The following PADI3 variants were observed in gnomAD, a reference collection of about 807,000 sequenced individuals.
PADI3 encodes peptidyl arginine deiminase 3, also known as protein-arginine deiminase type-3.
In PADI3, 53 loss-of-function variants were observed where a neutral mutation model predicts 71.5. That is an observed-to-expected ratio of 0.74 (90% CI 0.59 to 0.93). The LOEUF is 0.93. Among genes scored for constraint, PADI3 ranks in the 40% least tolerant of loss-of-function variants. The pLI is 0.00. For synonymous variants in PADI3, 361 were observed against 347.5 expected, an observed-to-expected ratio of 1.04 and a Z score of -0.43; for missense variants, 821 against 868.0, an observed-to-expected ratio of 0.95 and a Z score of 0.68.
chr1:17,264,806 T>C lies in PADI3; in HGVS notation c.347-853T>C, dbSNP rs192405186. ...TGGGTGGATCACTTGAGCCCAGTAG[T>C]TCAAGACCAGCCTAGGCAACATGGT... On this transcript the variant is annotated intron_variant, in intron 3 of 15. Transcript: ENST00000375460. 4.9e-3 allele frequency among the ~76,000 whole-genome samples: 743 copies of C among 152,118 alleles called. 3 individuals are homozygous for C. Among genetic ancestry groups the C allele is most frequent in the Non-Finnish European group, 7.5e-3 (511 of 67,998 alleles).
chr1:17,251,485 T>C (rs2072965273), intron 1 of PADI3, among the ~76,000 whole-genome samples: 1 of 152,218 alleles, frequency 6.6e-6, no homozygotes, highest in Non-Finnish European at 1.5e-5. Flanking sequence ...ATATCAGCAA[T>C]GGCACTGAAT....
At chr1:17,262,073 T>G in intron 2 of PADI3, 60 bp from the exon 3 acceptor site, 1 of 1,472,038 alleles carries the variant, frequency 6.8e-7, no homozygotes, top group Non-Finnish European at 9.5e-7. Flanking sequence ...CCGAGAGCTA[T>G]CTTTTGGGGC....
chr1:17,262,910 T>TTTTGTTTG (rs71575819), intron 3 of PADI3, among the ~76,000 whole-genome samples: 66 of 152,012 alleles, frequency 4.3e-4, no homozygotes, highest in South Asian at 1.0e-3. Flanking sequence ...AACGTGGCTT[T>TTTTGTTTG]TTTGTTTGTT....
chr1:17,266,867 G>A (rs951158229), intron 5 of PADI3, 31 bp downstream of exon 5: 2 of 1,514,664 alleles, frequency 1.3e-6, no homozygotes, highest in African/African-American at 2.7e-5. Context: ...GTCCCTGGGT[G>A]TCCAGGGTCA....
intron 11 of PADI3, among the ~76,000 whole-genome samples, chr1:17,275,199 G>T (rs1029855594): frequency 9.9e-5 from 15 of 151,974 alleles, no homozygotes; most frequent in Admixed American, 6.6e-4. Flanking sequence ...ACTTTGGGAG[G>T]CCAAGGCAGG....
At chr1:17,258,456 G>T (rs949011263) in intron 1 of PADI3, among the ~76,000 whole-genome samples, 1 of 152,260 alleles carries the variant, frequency 6.6e-6, no homozygotes, top group African/African-American at 2.4e-5. Flanking sequence ...CCCAGGCTAG[G>T]TGGAATGAGG....
chr1:17,249,352 C>G, intron 1 of PADI3, 123 bp downstream of exon 1: 3 of 773,264 alleles, frequency 3.9e-6, no homozygotes, highest in Non-Finnish European at 6.9e-6. Context: ...GGAACAGCAG[C>G]CAATCAGGGA....
At position 17,262,278 on chromosome 1, in the gene PADI3, C is replaced by T. The variant is rs1035306789; in HGVS notation, c.346+73C>T. 1.7e-5 allele frequency: 19 copies of T among 1,135,662 alleles called. No individual in the cohort carries two copies. The Admixed American group carries it at 2.5e-4, about 15-fold the overall frequency. 70.3% of individuals were successfully genotyped at this position (1,135,662 alleles called of 1,614,324 possible). A position where few individuals can be genotyped will look rare whatever the true frequency, so the allele number is the denominator to read the frequency against. ...AATTCAAGCAGTACAAAAGAGTATA[C>T]GTTGAAAATTAAACCTCCTTCCCTC... On this transcript the variant is annotated intron_variant, in intron 3 of 15. Coordinates refer to ENST00000375460, the MANE Select transcript of PADI3 (RefSeq NM_016233.2).
intron 15 of PADI3, among the ~76,000 whole-genome samples, chr1:17,281,855 G>GC (rs1389887957): frequency 1.3e-5 from 2 of 152,202 alleles, no homozygotes; most frequent in Non-Finnish European, 2.9e-5. Flanking sequence ...AGGCACTGCT[G>GC]CCGCGCTAAC....
chr1:17,265,845 C>CA, intron 4 of PADI3, 125 bp downstream of exon 4: 1 of 780,284 alleles, frequency 1.3e-6, no homozygotes, highest in South Asian at 1.6e-5. Flanking sequence ...GACCAAGGGC[C>CA]AAAAACAGAA....
At chr1:17,268,021 G>C in intron 6 of PADI3, 59 bp downstream of exon 6, 1 of 1,599,546 alleles carries the variant, frequency 6.3e-7, no homozygotes, top group Non-Finnish European at 8.5e-7. Context: ...GCCTACCAGG[G>C]AACCTCCTGT....
rs765279488 is a variant in PADI3, at chr1:17,280,679, C to T, written c.1644C>T (p.Ile548=). The T allele has an allele frequency of 7.4e-6, 12 of 1,614,028 alleles. No individual in the cohort carries two copies. The highest frequency in any genetic ancestry group is 2.7e-5 in the African/African-American group (2 of 74,922). Residue 548 remains isoleucine (I), a synonymous_variant, in exon 15 of 16, where the codon ATC becomes ATT. Transcript: ENST00000375460. Reference sequence around the variant, plus strand: ...CCCTCCCCTGCCCCCAGAGCTGCATCGACTGGAACCGTGAGGTGCTGAAGC... The same window carrying T: ...CCCTCCCCTGCCCCCAGAGCTGCATTGACTGGAACCGTGAGGTGCTGAAGC... ...INYNKFVQSC[I]DWNREVLKRE... is the part of the protein sequence containing the mutation.
At chr1:17,281,740 AC>A (rs376412988) in intron 15 of PADI3, among the ~76,000 whole-genome samples, 4 of 152,206 alleles carry the variant, frequency 2.6e-5, no homozygotes, top group Admixed American at 1.3e-4. Context: ...GGCGGAAGCC[AC>A]CGTGCTTGGC....
chr1:17,280,347 C>G lies in PADI3; in HGVS notation c.1556-3C>G. The G allele has an allele frequency of 6.2e-7, 1 of 1,611,190 alleles. No homozygotes were observed. The highest frequency in any genetic ancestry group is 1.7e-5 in the Admixed American group (1 of 60,026). On this transcript the variant is annotated splice_region_variant and splice_polypyrimidine_tract_variant and intron_variant, in intron 13 of 15. Coordinates refer to ENST00000375460, the MANE Select transcript of PADI3 (RefSeq NM_016233.2). ...CCTTCTCTTTCATCTCTCTCCTTCA[C>G]AGATGATGAGCAGGTCAAGACCATC...
rs1254926624 is a variant in PADI3 at position 17,266,837 on chromosome 1, G to T, written c.526+1G>T. On this transcript the variant is annotated splice_donor_variant, in intron 5 of 15. Transcript: ENST00000375460. LOFTEE classifies it high-confidence loss of function. ...GACCAGCACGTGCACTGCCTGCAAG[G>T]TGAGGCCGGGGCAGCCTGAGTCCCT... The T allele has an allele frequency of 1.2e-6, 2 of 1,610,474 alleles. No individual in the cohort carries two copies.
intron 9 of PADI3, among the ~76,000 whole-genome samples, chr1:17,272,226 G>A (rs1010219202): frequency 2.6e-5 from 4 of 152,276 alleles, no homozygotes; most frequent in South Asian, 2.1e-4. Flanking sequence ...CCGAGCATGC[G>A]CAAAGGCCCG....
chr1:17,280,243 CA>C (rs2073384033), intron 13 of PADI3, 106 bp from the exon 14 acceptor site: 1 of 862,522 alleles, frequency 1.2e-6, no homozygotes, highest in South Asian at 1.4e-5. Context: ...GCTGACTCGG[CA>C]AGACCATTAG....
chr1:17,273,267 G>T (rs1438843402), intron 9 of PADI3, 73 bp from the exon 10 acceptor site: 2 of 1,208,876 alleles, frequency 1.7e-6, no homozygotes, highest in African/African-American at 3.0e-5. Flanking sequence ...GCCCCACAGG[G>T]CTCAGAGCCG....
At chr1:17,268,684 T>G (rs544810935) in intron 6 of PADI3, among the ~76,000 whole-genome samples, 2 of 151,834 alleles carry the variant, frequency 1.3e-5, no homozygotes, top group Non-Finnish European at 2.9e-5. Flanking sequence ...ATTTTTTGTA[T>G]TTTTAGTAGA....
Sources: gnomAD v4.1 joint callset for allele counts (sites outside exome capture counted in the v4.1 genomes callset) on GRCh38, gnomAD v4.1.1 for gene constraint, MANE v1.5 for transcripts, NCBI Gene and HGNC (gene_info 2026-07-23, HGNC 2026-07-21) for gene names.